The following IQCJ variants were observed in gnomAD, a reference collection of about 807,000 sequenced individuals.
IQCJ encodes IQ motif containing J.
IQCJ carries 9 observed loss-of-function variants against 11.0 expected under a neutral mutation model. That is an observed-to-expected ratio of 0.82 (90% CI 0.49 to 1.43). IQCJ has a LOEUF of 1.43. Among genes scored for constraint, IQCJ ranks in the 40% most tolerant of loss-of-function variants. The pLI, the probability that IQCJ is intolerant of heterozygous loss-of-function variation, is 0.00. For synonymous variants in IQCJ, 55 were observed against 51.3 expected, an observed-to-expected ratio of 1.07 and a Z score of -0.31; for missense variants, 146 against 133.2, an observed-to-expected ratio of 1.10 and a Z score of -0.47.
At chr3:159,083,365 C>T (rs905167741) in intron 1 of IQCJ, among the ~76,000 whole-genome samples, 4 of 151,978 alleles carry the variant, frequency 2.6e-5, no homozygotes, top group African/African-American at 9.7e-5. Context: ...AAAGGATGTC[C>T]AACATCATTA....
chr3:159,230,559 C>T (rs925113576), intron 1 of IQCJ, among the ~76,000 whole-genome samples: 1 of 152,154 alleles, frequency 6.6e-6, no homozygotes, highest in African/African-American at 2.4e-5. Context: ...TAAGCTTTCC[C>T]TTCCCTAAAC....
intron 2 of IQCJ, 64 bp from the exon 3 acceptor site, chr3:159,252,663 T>C (rs1168955816): frequency 1.4e-6 from 2 of 1,404,010 alleles, no homozygotes; most frequent in African/African-American, 1.4e-5. Context: ...AAATTAGCAG[T>C]ATTATTGCTA....
chr3:159,088,129 C>T (rs993379109), intron 1 of IQCJ, among the ~76,000 whole-genome samples: 11 of 152,200 alleles, frequency 7.2e-5, no homozygotes, highest in African/African-American at 1.2e-4. Context: ...TCTTTGTTCT[C>T]GTTGGTTTCA....
chr3:159,201,914 G>A (rs554543206), intron 1 of IQCJ, among the ~76,000 whole-genome samples: 10 of 152,076 alleles, frequency 6.6e-5, no homozygotes, highest in East Asian at 3.9e-4. Flanking sequence ...ACTTGCCCTC[G>A]TGGAGCTTAT....
intron 1 of IQCJ, among the ~76,000 whole-genome samples, chr3:159,131,691 C>T (rs1043022074): frequency 2.6e-5 from 4 of 152,168 alleles, no homozygotes; most frequent in Non-Finnish European, 4.4e-5. Context: ...TGCACCTCTG[C>T]ACTCCTTTCA....
At chr3:159,265,478 C>A, downstream of IQCJ, 1 of 1,184,318 alleles carries the variant, frequency 8.4e-7, no homozygotes, top group Non-Finnish European at 1.2e-6. Flanking sequence ...AAGAAATGAG[C>A]TTCCTCTAAC....
At chr3:159,203,443 T>C (rs1379859753) in intron 1 of IQCJ, among the ~76,000 whole-genome samples, 1 of 151,746 alleles carries the variant, frequency 6.6e-6, no homozygotes, top group Non-Finnish European at 1.5e-5. Context: ...TGTGACAGCA[T>C]GGCCACAAAC....
At chr3:159,175,326 T>G (rs1722734368) in intron 1 of IQCJ, among the ~76,000 whole-genome samples, 1 of 151,984 alleles carries the variant, frequency 6.6e-6, no homozygotes, top group Non-Finnish European at 1.5e-5. Context: ...AAGAAATTAG[T>G]CAGGTGTGGT....
At chr3:159,213,160 C>T (rs1463328885) in intron 1 of IQCJ, among the ~76,000 whole-genome samples, 1 of 152,146 alleles carries the variant, frequency 6.6e-6, no homozygotes, top group Non-Finnish European at 1.5e-5. Flanking sequence ...GTAAGAATGC[C>T]ATATGTGTCG....
At chr3:159,254,813 C>T (rs571200275) in intron 3 of IQCJ, among the ~76,000 whole-genome samples, 40 of 152,264 alleles carry the variant, frequency 2.6e-4, no homozygotes, top group Admixed American at 1.2e-3. Flanking sequence ...GAATAGATGG[C>T]GGACACTTTC....
At chr3:159,132,182 CTTGT>C (rs1292311963) in intron 1 of IQCJ, among the ~76,000 whole-genome samples, 2 of 152,100 alleles carry the variant, frequency 1.3e-5, no homozygotes, top group Non-Finnish European at 2.9e-5. Context: ...CTTGGAGTTT[CTTGT>C]TTGTTTGTTT....
intron 1 of IQCJ, among the ~76,000 whole-genome samples, chr3:159,134,014 G>A (rs1041788882): frequency 1.4e-5 from 2 of 142,994 alleles, no homozygotes; most frequent in South Asian, 4.9e-4. Flanking sequence ...ATTTGGATTT[G>A]CAGGCAGAAT....
intron 1 of IQCJ, among the ~76,000 whole-genome samples, chr3:159,111,477 T>C (rs1718628935): frequency 6.6e-6 from 1 of 152,204 alleles, no homozygotes; most frequent in African/African-American, 2.4e-5. Context: ...ACATGTGTGT[T>C]CTGGGAGAAT....
At chr3:159,082,878 A>G (rs1402637219) in intron 1 of IQCJ, among the ~76,000 whole-genome samples, 4 of 152,094 alleles carry the variant, frequency 2.6e-5, no homozygotes, top group Non-Finnish European at 5.9e-5. Flanking sequence ...GTGAATAGCA[A>G]TGTCATTGTT....
chr3:159,224,397 C>T (rs1327707425), intron 1 of IQCJ, among the ~76,000 whole-genome samples: 1 of 152,200 alleles, frequency 6.6e-6, no homozygotes, highest in East Asian at 1.9e-4. Context: ...CAAAGAACCA[C>T]TTCATCCTGA....
downstream of IQCJ, chr3:159,265,355 T>G: frequency 1.9e-6 from 3 of 1,613,720 alleles, no homozygotes; most frequent in South Asian, 3.3e-5. Context: ...TCATACATAC[T>G]CTCAAGGAGC....
intron 2 of IQCJ, among the ~76,000 whole-genome samples, chr3:159,246,777 T>C (rs942034814): frequency 6.6e-6 from 1 of 152,182 alleles, no homozygotes; most frequent in Non-Finnish European, 1.5e-5. Flanking sequence ...AGAAATGTAA[T>C]AGCTGTCCTC....
intron 1 of IQCJ, among the ~76,000 whole-genome samples, chr3:159,177,657 C>A (rs1722867383): frequency 6.6e-6 from 1 of 152,078 alleles, no homozygotes; most frequent in African/African-American, 2.4e-5. Context: ...TAGAACTCTA[C>A]CTTGATTGCA....
chr3:159,076,341 A>G (rs1394205300), intron 1 of IQCJ, among the ~76,000 whole-genome samples: 1 of 152,108 alleles, frequency 6.6e-6, no homozygotes, highest in African/African-American at 2.4e-5. Context: ...ATGCTACTCT[A>G]TGACCATGTA....
Sources: gnomAD v4.1 joint callset for allele counts (sites outside exome capture counted in the v4.1 genomes callset) on GRCh38, gnomAD v4.1.1 for gene constraint, MANE v1.5 for transcripts, NCBI Gene and HGNC (gene_info 2026-07-23, HGNC 2026-07-21) for gene names.